The following EWSR1 variants were observed in gnomAD, a reference collection of about 807,000 sequenced individuals.
EWSR1 encodes EWS RNA binding protein 1.
A neutral mutation model predicts 92.1 loss-of-function variants in EWSR1; 14 were observed. That is an observed-to-expected ratio of 0.15 (90% CI 0.10 to 0.24). The LOEUF is 0.24. Ranked by LOEUF, EWSR1 falls within the 10% of genes least tolerant of loss-of-function variation. The pLI is 1.00. For synonymous variants in EWSR1, 303 were observed against 292.9 expected, an observed-to-expected ratio of 1.03 and a Z score of -0.35; for missense variants, 637 against 870.9, an observed-to-expected ratio of 0.73 and a Z score of 3.38.
At chr22:29,290,459 C>G in intron 8 of EWSR1, 1 of 1,613,516 alleles carries the variant, frequency 6.2e-7, no homozygotes, top group Non-Finnish European at 8.5e-7. Context: ...TAAAAAGTAC[C>G]CGTACTCAGT....
intron 13 of EWSR1, 92 bp from the exon 14 acceptor site, chr22:29,298,641 T>TATC (rs949479724): frequency 1.4e-6 from 2 of 1,462,982 alleles, no homozygotes; most frequent in African/African-American, 2.8e-5. Context: ...ACAGCAGTAG[T>TATC]ATCTGTGGGT....
At position 29,268,386 on chromosome 22, in the gene EWSR1, C is replaced by T. The variant is rs774383141; in HGVS notation, c.13+37C>T. On this transcript the variant is annotated intron_variant, in intron 1 of 16. Coordinates refer to ENST00000397938, the MANE Select transcript of EWSR1 (RefSeq NM_005243.4). The stretch of plus-strand genomic sequence containing the variant: ...GGAACTGCGGTCGCGCCGGCGGTAG[C>T]CGGAACGCCCAAACTGGGGGTCGTT... The T allele has an allele frequency of 2.6e-5, 42 of 1,613,746 alleles. No homozygotes were observed. In the Admixed American group the frequency reaches 4.3e-4, roughly 17 times the overall value.
intron 12 of EWSR1, among the ~76,000 whole-genome samples, chr22:29,297,234 T>G (rs966442693): frequency 4.6e-5 from 7 of 152,258 alleles, no homozygotes; most frequent in Admixed American, 2.0e-4. Context: ...TACTGCAACC[T>G]CCACCTCCCA....
intron 6 of EWSR1, among the ~76,000 whole-genome samples, chr22:29,284,169 A>G (rs1057173835): frequency 6.7e-6 from 1 of 149,456 alleles, no homozygotes; most frequent in Admixed American, 6.6e-5. Context: ...AGGGTTTCAC[A>G]ATGTTGGCCA....
Position 29,296,265 on chromosome 22 carries a change from G to C in EWSR1, c.1191G>C (p.Met397Ile). Residue 397 changes from methionine to isoleucine, a missense_variant, in exon 12 of 17, where the codon ATG (methionine) becomes ATC (isoleucine). By Grantham distance (10) the Met-to-Ile change is conservative. This residue lies in a region of EWSR1 where 363 missense variants were observed against 447.8 expected (regional missense o/e 0.81). Transcript: ENST00000397938. ...TGAACAAGAGAACTGGGCAACCCAT[G>C]ATCCACATCTACCTGGACAAGGAAA... ...VKMNKRTGQP[M>I]IHIYLDKETG... 6.2e-7 allele frequency: 1 copy of C among 1,614,104 alleles called. No homozygotes were observed. The highest frequency in any genetic ancestry group is 1.1e-5 in the South Asian group (1 of 91,064).
chr22:29,298,100 TA>T, intron 13 of EWSR1, 151 bp downstream of exon 13: 2 of 976,466 alleles, frequency 2.0e-6, no homozygotes, highest in Non-Finnish European at 2.9e-6. Context: ...TTGTTGGGAA[TA>T]AAAGGAAGAG....
At chr22:29,270,242 C>T (rs761785281) in intron 1 of EWSR1, among the ~76,000 whole-genome samples, 1 of 152,144 alleles carries the variant, frequency 6.6e-6, no homozygotes, top group Non-Finnish European at 1.5e-5. Context: ...TATGTTATCT[C>T]ATGTAGAAAA....
chr22:29,293,318 TTG>T (rs1257324929), intron 11 of EWSR1, among the ~76,000 whole-genome samples: 1 of 152,162 alleles, frequency 6.6e-6, no homozygotes, highest in Non-Finnish European at 1.5e-5. Flanking sequence ...CCTCAAATTA[TTG>T]TGTCTTTATG....
chr22:29,299,455 C>T lies in EWSR1; in HGVS notation c.1678+124C>T, dbSNP rs539207862. 24 of 1,493,116 alleles carry T rather than the reference C, an allele frequency of 1.6e-5. No homozygotes were observed. In the East Asian group the frequency reaches 4.0e-4, roughly 25 times the overall value. The allele number at this position is 1,493,116 out of a possible 1,614,324, so 92.5% of individuals were successfully genotyped here. A position where few individuals can be genotyped will look rare whatever the true frequency, so the allele number is the denominator to read the frequency against. On this transcript the variant is annotated intron_variant, in intron 15 of 16. Transcript: ENST00000397938. ...ACTTTGAGTTGTCGTGTCCTCATTT[C>T]TAAATTGTCAGCCCGATGCCGAGAT...
intron 6 of EWSR1, among the ~76,000 whole-genome samples, chr22:29,285,467 A>G (rs1389543777): frequency 6.6e-6 from 1 of 151,274 alleles, no homozygotes; most frequent in Non-Finnish European, 1.5e-5. Flanking sequence ...GAATGTATCT[A>G]TTAATTTCTC....
intron 11 of EWSR1, 99 bp from the exon 12 acceptor site, chr22:29,296,140 A>G (rs1249253818): frequency 2.5e-6 from 3 of 1,200,912 alleles, no homozygotes; most frequent in Non-Finnish European, 3.5e-6. Context: ...GTGACTTACT[A>G]CATGTGAGAA....
chr22:29,284,557 G>T (rs2059873027), intron 6 of EWSR1, among the ~76,000 whole-genome samples: 1 of 151,180 alleles, frequency 6.6e-6, no homozygotes, highest in Non-Finnish European at 1.5e-5. Context: ...TGGCAAGTTG[G>T]ATAGGTACAC....
At chr22:29,275,713 A>AATACATCGGATAGTCATTGGAGGG in intron 4 of EWSR1, 2 of 229,716 alleles carry the variant, frequency 8.7e-6, no homozygotes, top group Non-Finnish European at 1.7e-5. Flanking sequence ...GAATACATAG[A>AATACATCGGATAGTCATTGGAGGG]AATACACTGT....
intron 6 of EWSR1, among the ~76,000 whole-genome samples, chr22:29,285,961 C>T (rs2059991364): frequency 2.0e-5 from 3 of 152,092 alleles, no homozygotes; most frequent in South Asian, 4.1e-4. Flanking sequence ...CCTCAGCCTC[C>T]CCAGTAGCTG....
In EWSR1 at chr22:29,297,819, T is replaced by C. The variant is rs760405289; in HGVS notation, c.1295-8T>C. The C allele has an allele frequency of 6.2e-7, 1 of 1,613,744 alleles. No individual in the cohort carries two copies. The highest frequency in any genetic ancestry group is 1.1e-5 in the South Asian group (1 of 91,056). The stretch of plus-strand genomic sequence containing the variant: ...GGGAGTAATTGATGTTCTGTTGTCT[T>C]GTTCCAGGGAAAGATTTTCAAGGGA... On this transcript the variant is annotated splice_region_variant and splice_polypyrimidine_tract_variant and intron_variant, in intron 12 of 16. Transcript: ENST00000397938.
chr22:29,268,919 G>T (rs1037804306), intron 1 of EWSR1, among the ~76,000 whole-genome samples: 41 of 152,382 alleles, frequency 2.7e-4, no homozygotes, highest in Admixed American at 2.3e-3. Context: ...CTGCCGAGCT[G>T]CCCCCTCTGT....
chr22:29,298,562 C>T (rs79229918), intron 13 of EWSR1, among the ~76,000 whole-genome samples, 171 bp from the exon 14 acceptor site: 2,439 of 151,606 alleles, frequency 0.016, 72 homozygotes, highest in African/African-American at 0.057. Context: ...ACGTGGAACA[C>T]GCTCCTCACA....
chr22:29,288,878 T>A, intron 8 of EWSR1, 92 bp downstream of exon 8: 1 of 1,223,230 alleles, frequency 8.2e-7, no homozygotes, highest in South Asian at 1.7e-5. Flanking sequence ...AAGAAATTAA[T>A]TTCTGCATTT....
intron 11 of EWSR1, among the ~76,000 whole-genome samples, chr22:29,294,159 C>T (rs1188816326): frequency 6.6e-6 from 1 of 152,106 alleles, no homozygotes; most frequent in Admixed American, 6.5e-5. Flanking sequence ...CCACCACACC[C>T]AGCCTATTTA....
Sources: gnomAD v4.1 joint callset for allele counts (sites outside exome capture counted in the v4.1 genomes callset) on GRCh38, gnomAD v4.1.1 for gene constraint, gnomAD v4.1.1 regional missense constraint, MANE v1.5 for transcripts, NCBI Gene and HGNC (gene_info 2026-07-23, HGNC 2026-07-21) for gene names.